TPM1: variants seen among roughly 807,000 people sequenced by gnomAD.
TPM1 encodes tropomyosin alpha-1 chain.
TPM1 carries 24 observed loss-of-function variants against 42.9 expected under a neutral mutation model. The observed-to-expected ratio is 0.56, with a 90% CI of 0.41 to 0.79. The LOEUF (loss-of-function observed/expected upper bound fraction) is 0.79. Ranked by LOEUF, TPM1 falls within the 30% of genes least tolerant of loss-of-function variation. The probability of loss-of-function intolerance (pLI) is 0.00; values close to 1 mark genes in which losing one functional copy is unlikely to be tolerated. For synonymous variants in TPM1, 136 were observed against 130.1 expected, an observed-to-expected ratio of 1.05 and a Z score of -0.31; for missense variants, 158 against 351.8, an observed-to-expected ratio of 0.45 and a Z score of 4.41.
intron 2 of TPM1, among the ~76,000 whole-genome samples, chr15:63,053,687 T>C (rs868359846): frequency 3.6e-4 from 29 of 80,524 alleles, no homozygotes; most frequent in Middle Eastern, 5.2e-3. Flanking sequence ...TTTTTTTTTT[T>C]TTTTTGTTTT....
chr15:63,051,968 A>G (rs55719615), intron 2 of TPM1, among the ~76,000 whole-genome samples: 44,720 of 143,760 alleles, frequency 0.31, 6,891 homozygotes, highest in East Asian at 0.47. Context: ...CTTGATTTCT[A>G]TATAGTACCA....
intron 2 of TPM1, chr15:63,048,419 G>T: frequency 1.5e-6 from 2 of 1,355,448 alleles, no homozygotes; most frequent in Non-Finnish European, 9.4e-7. Context: ...GCGACTTCCG[G>T]ACTGCTCCTG....
At chr15:63,066,361 T>G (rs556878303), downstream of TPM1, among the ~76,000 whole-genome samples, 1 of 152,032 alleles carries the variant, frequency 6.6e-6, no homozygotes, top group African/African-American at 2.4e-5. Flanking sequence ...GGGGGGGTTT[T>G]GGGGGAATTG....
At chr15:63,062,735 G>A in intron 8 of TPM1, 90 bp downstream of exon 8, 1 of 1,605,114 alleles carries the variant, frequency 6.2e-7, no homozygotes, top group Non-Finnish European at 8.5e-7. Context: ...CATCCACATT[G>A]ATACGCTCCT....
At chr15:63,070,805 C>T (rs2036567168), downstream of TPM1, 3 of 1,238,174 alleles carry the variant, frequency 2.4e-6, no homozygotes, top group Admixed American at 3.7e-5. Flanking sequence ...GGCACACCGT[C>T]AGTGAACCTT....
intron 3 of TPM1, among the ~76,000 whole-genome samples, chr15:63,059,059 A>T (rs1305217148): frequency 1.3e-5 from 2 of 152,228 alleles, no homozygotes; most frequent in Non-Finnish European, 2.9e-5. Context: ...TGGACTTAAT[A>T]GTTTATTAAA....
intron 9 of TPM1, chr15:63,065,532 G>T: frequency 2.0e-6 from 2 of 984,770 alleles, no homozygotes; most frequent in Non-Finnish European, 2.4e-6. Context: ...AAATGAGGGG[G>T]TGGAGCAGAT....
intron 2 of TPM1, chr15:63,048,804 C>T (rs1422317858): frequency 6.8e-7 from 1 of 1,475,172 alleles, no homozygotes; most frequent in South Asian, 1.2e-5. Context: ...AGGCCCCGGT[C>T]CCTCGTCCCC....
exon 9 of TPM1, chr15:63,071,662 A>G (rs1469054641): frequency 1.0e-5 from 2 of 191,682 alleles, no homozygotes; most frequent in African/African-American, 4.7e-5. Context: ...GCATGCCTGA[A>G]TTCACTAAAG....
chr15:63,068,104 TTCCTATG>T (rs2141023945), downstream of TPM1, among the ~76,000 whole-genome samples: 1 of 152,296 alleles, frequency 6.6e-6, no homozygotes, highest in Admixed American at 6.5e-5. Flanking sequence ...ATGGCGACAC[TTCCTATG>T]TCCATAGTGT....
At chr15:63,043,237 G>A (rs892977482) in intron 1 of TPM1, 7 of 521,306 alleles carry the variant, frequency 1.3e-5, no homozygotes, top group African/African-American at 1.9e-5. Flanking sequence ...GGGGAGGGAG[G>A]AGGACACCCG....
At chr15:63,050,726 A>C (rs750783263) in intron 2 of TPM1, among the ~76,000 whole-genome samples, 4 of 152,226 alleles carry the variant, frequency 2.6e-5, no homozygotes, top group Non-Finnish European at 5.9e-5. Flanking sequence ...GGATCAGACC[A>C]TTGAAGAGAG....
intron 2 of TPM1, chr15:63,048,053 T>C: frequency 2.9e-6 from 1 of 345,908 alleles, no homozygotes; most frequent in Non-Finnish European, 5.6e-6. Context: ...CTTTAGGGCA[T>C]ATTCCGGCTC....
chr15:63,062,549 A>G (rs2035782616), intron 7 of TPM1, 27 bp from the exon 8 acceptor site: 1 of 1,613,848 alleles, frequency 6.2e-7, no homozygotes, highest in Non-Finnish European at 8.5e-7. Context: ...AAAACTTCCC[A>G]ACTTTAACTC....
rs1445696827 is a variant in TPM1, at chr15:63,048,844, G to C, written c.240+4692G>C. 5.0e-6 allele frequency: 6 copies of C among 1,210,824 alleles called. No homozygotes were observed. The African/African-American group carries it at 6.1e-5, about 12-fold the overall frequency. The allele number at this position is 1,210,824 out of a possible 1,614,324, so 75.0% of individuals were successfully genotyped here. A position where few individuals can be genotyped will look rare whatever the true frequency, so the allele number is the denominator to read the frequency against. On this transcript the variant is annotated intron_variant, in intron 2 of 9. Transcript: ENST00000403994. The stretch of plus-strand genomic sequence containing the variant: ...CTCCAGGGCGCACCTGGCGCACCTG[G>C]GCCAGCTGGCGGCGGGCTCTGGGGA...
At chr15:63,069,740 G>A (rs2141031981), downstream of TPM1, 1 of 1,168,842 alleles carries the variant, frequency 8.6e-7, no homozygotes, top group Admixed American at 1.9e-5. Flanking sequence ...AGAGTAAACT[G>A]CTCAGCAAGT....
Position 63,061,474 on chromosome 15 carries a change from G to C in TPM1, c.564-239G>C, listed in dbSNP as rs78706981. ...AATGCTCTTTGGGCAGCCAAAAAAG[G>C]AGCCAAATTATCGCACTTCAAAGTT... is the stretch of plus-strand genomic sequence containing the variant. On this transcript the variant is annotated intron_variant, in intron 5 of 9. Transcript: ENST00000403994. 356 of 736,136 alleles carry C rather than the reference G, an allele frequency of 4.8e-4. 3 individuals are homozygous for C. In the African/African-American group the frequency reaches 5.7e-3, roughly 12 times the overall value. 45.6% of individuals were successfully genotyped at this position (736,136 alleles called of 1,614,324 possible).
chr15:63,062,682 T>C lies in TPM1; in HGVS notation c.772+37T>C, dbSNP rs1278014266. 25 of 1,614,076 alleles carry C rather than the reference T, an allele frequency of 1.5e-5. No homozygotes were observed. The South Asian group carries it at 2.0e-4, about 13-fold the overall frequency. On this transcript the variant is annotated intron_variant, in intron 8 of 9. Transcript: ENST00000403994. The stretch of plus-strand genomic sequence containing the variant: ...AGTAGTGTTTTTAGTTTAATCCTTA[T>C]GGTTGAATACCAACCTGGCAAAACA...
At chr15:63,068,182 G>A (rs957361540), downstream of TPM1, among the ~76,000 whole-genome samples, 14 of 152,206 alleles carry the variant, frequency 9.2e-5, no homozygotes, top group African/African-American at 3.1e-4. Flanking sequence ...GCAAAACACC[G>A]TGGGAAGCAG....
Sources: allele counts gnomAD v4.1 joint callset (sites outside exome capture counted in the v4.1 genomes callset), GRCh38; gene constraint gnomAD v4.1.1; transcripts MANE v1.5; gene names NCBI Gene and HGNC (gene_info 2026-07-23, HGNC 2026-07-21).